The following ANK2 variants were observed in gnomAD, a reference collection of about 807,000 sequenced individuals.
The protein encoded by ANK2 is ankyrin 2, also known as ankyrin-2.
ANK2 carries 83 observed loss-of-function variants against 360.5 expected under a neutral mutation model. The observed-to-expected ratio is 0.23, with a 90% CI of 0.19 to 0.28. The LOEUF (loss-of-function observed/expected upper bound fraction) is 0.28. Among genes scored for constraint, ANK2 ranks in the 10% least tolerant of loss-of-function variants. ANK2 has a pLI of 1.00. For missense variants in ANK2, 4,201 were observed against 4,795.7 expected (o/e 0.88, Z 3.66); for synonymous variants, 1,740 against 1,759.5 (o/e 0.99, Z 0.28).
At chr4:113,000,866 A>G (rs570488681) in intron 2 of ANK2, among the ~76,000 whole-genome samples, 5 of 150,242 alleles carry the variant, frequency 3.3e-5, no homozygotes, top group Non-Finnish European at 7.4e-5. Context: ...AACCATCATC[A>G]CTGGGAAGGA....
At chr4:112,764,231 C>T in the ANK2 span, among the ~76,000 whole-genome samples, 5 of 152,270 alleles carry the variant, frequency 3.3e-5, no homozygotes, top group African/African-American at 4.8e-5. Flanking sequence ...GCATGAGCCA[C>T]TGCGCCCGGC....
chr4:112,788,403 C>T, the ANK2 span: 24 of 1,590,966 alleles, frequency 1.5e-5, no homozygotes, highest in Non-Finnish European at 2.0e-5. Flanking sequence ...ATGGGATCCA[C>T]GTCGGGTGCA....
chr4:113,352,585 G>A (rs1442546569), intron 37 of ANK2, among the ~76,000 whole-genome samples: 1 of 151,970 alleles, frequency 6.6e-6, no homozygotes, highest in African/African-American at 2.4e-5. Context: ...CTTTCTCCTA[G>A]AGGAAATCAA....
At chr4:113,054,406 T>C (rs528356437) in intron 1 of ANK2, among the ~76,000 whole-genome samples, 70 of 152,152 alleles carry the variant, frequency 4.6e-4, no homozygotes, top group Non-Finnish European at 9.0e-4. Flanking sequence ...TTGCCAGATG[T>C]GTGGTTAAAA....
intron 2 of ANK2, among the ~76,000 whole-genome samples, chr4:113,193,000 TC>T (rs2098695010): frequency 6.6e-6 from 1 of 150,924 alleles, no homozygotes; most frequent in Non-Finnish European, 1.5e-5. Flanking sequence ...GGAGCTACCA[TC>T]CGGGGCGCTA....
chr4:112,846,602 G>A (rs1560766350), intron 1 of ANK2, among the ~76,000 whole-genome samples: 1 of 151,886 alleles, frequency 6.6e-6, no homozygotes, highest in Non-Finnish European at 1.5e-5. Flanking sequence ...TCCTGTCTCT[G>A]TGGTTTTCCT....
In ANK2 at chr4:113,199,102, A is replaced by C. The variant is rs770384149; in HGVS notation, c.377A>C (p.Gln126Pro). The C allele has an allele frequency of 6.2e-7, 1 of 1,607,244 alleles. No homozygotes were observed. The highest frequency in any genetic ancestry group is 8.5e-7 in the Non-Finnish European group (1 of 1,173,870). ...LVKEGANINAQSQNGFTPLYM... is the reference protein window; with the variant it reads ...LVKEGANINAPSQNGFTPLYM... ...AAGGAAGGAGCCAATATTAATGCACAGTCTCAGGTATTCCATTCAGATTTT... is the reference window on the plus strand; with the variant it reads ...AAGGAAGGAGCCAATATTAATGCACCGTCTCAGGTATTCCATTCAGATTTT... Residue 126 changes from glutamine (Q) to proline (P), a missense_variant, in exon 4 of 46, where the codon CAG (glutamine) becomes CCG (proline). By Grantham distance (76) the Gln-to-Pro change is moderately conservative. This residue lies in a region of ANK2 where 169 missense variants were observed against 191.1 expected (regional missense o/e 0.88). Transcript: ENST00000357077.
the ANK2 span, among the ~76,000 whole-genome samples, chr4:112,730,891 G>A: frequency 6.6e-6 from 1 of 151,344 alleles, no homozygotes; most frequent in Non-Finnish European, 1.5e-5. Context: ...TGTAGTCCCA[G>A]CACTTTGGGA....
chr4:113,382,806 C>G lies in ANK2; in HGVS notation c.*1335C>G, dbSNP rs1383321783. ...CCAGCTAGGTCTGTTTTTCAGCTTG[C>G]AGACAAGATTGAGAAATCCTTGAAA... On this transcript the variant is annotated 3_prime_UTR_variant, in exon 46 of 46. Coordinates refer to ENST00000357077, the MANE Select transcript of ANK2 (RefSeq NM_001148.6). 1 of 152,162 alleles carries G rather than the reference C, an allele frequency of 6.6e-6. No homozygotes were observed. Among genetic ancestry groups the G allele is most frequent in the Non-Finnish European group, 1.5e-5 (1 of 68,026 alleles). 9.4% of individuals were successfully genotyped at this position (152,162 alleles called of 1,614,324 possible).
Position 113,302,837 on chromosome 4 carries a change from A to T in ANK2, c.2546A>T (p.Glu849Val). 1 of 1,612,048 alleles carries T rather than the reference A, an allele frequency of 6.2e-7. No individual in the cohort carries two copies. The highest frequency in any genetic ancestry group is 8.5e-7 in the Non-Finnish European group (1 of 1,178,122). The change falls in exon 23 of 46, where the codon GAG becomes GTG. Residue 849 changes from glutamate (E) to valine (V), a missense_variant and splice_region_variant. Glu to Val is a moderately radical substitution (Grantham distance 121). Transcript: ENST00000357077. ...MTEVLDVSDE[E>V]GDDTMTGDGG... ...GAGGTTCTTGATGTTTCTGATGAAG[A>T]GGGTAAGACTTCTATTCAATCTTCT...
Position 113,225,890 on chromosome 4 carries a change from T to C in ANK2, c.385-6271T>C, listed in dbSNP as rs187468767. Among the ~76,000 whole-genome samples, 9 of 152,328 alleles carry C rather than the reference T, an allele frequency of 5.9e-5. No individual in the cohort carries two copies. The East Asian group carries it at 1.7e-3, about 29-fold the overall frequency. On this transcript the variant is annotated intron_variant, in intron 4 of 45. Coordinates refer to ENST00000357077, the MANE Select transcript of ANK2 (RefSeq NM_001148.6). ...CATATTACTAATGTAAATAGGAAGA[T>C]ATTTTTGTAATAAGTGTTTGAATTC...
chr4:112,791,557 T>C, the ANK2 span, among the ~76,000 whole-genome samples: 1 of 148,668 alleles, frequency 6.7e-6, no homozygotes, highest in Non-Finnish European at 1.5e-5. Flanking sequence ...GGCGCGATCT[T>C]AGCTCACTGC....
At chr4:113,329,586 A>T (rs141353309) in intron 26 of ANK2, among the ~76,000 whole-genome samples, 8 of 152,282 alleles carry the variant, frequency 5.3e-5, no homozygotes, top group African/African-American at 9.6e-5. Flanking sequence ...GGGCGGGCCT[A>T]CTTGTTCCCT....
At chr4:113,336,211 G>A (rs2153961464) in intron 30 of ANK2, 154 bp downstream of exon 30, 1 of 773,076 alleles carries the variant, frequency 1.3e-6, no homozygotes, top group East Asian at 2.7e-5. Context: ...ATATTTATTG[G>A]TTACTAATCT....
the ANK2 span, among the ~76,000 whole-genome samples, chr4:112,714,695 C>A: frequency 2.0e-5 from 3 of 152,108 alleles, no homozygotes; most frequent in South Asian, 2.1e-4. Context: ...AAAACAATTT[C>A]TAAATCGGCT....
At chr4:113,045,232 A>G (rs2063987892), upstream of ANK2, among the ~76,000 whole-genome samples, 1 of 152,192 alleles carries the variant, frequency 6.6e-6, no homozygotes, top group African/African-American at 2.4e-5. Context: ...AATTAGAATA[A>G]TCACCTCTAA....
intron 1 of ANK2, among the ~76,000 whole-genome samples, chr4:112,844,559 A>G (rs2062865453): frequency 6.6e-6 from 1 of 152,234 alleles, no homozygotes; most frequent in Non-Finnish European, 1.5e-5. Flanking sequence ...CAGTTGATCC[A>G]TCCATGTATA....
chr4:112,997,421 T>C (rs1354680), intron 2 of ANK2, among the ~76,000 whole-genome samples: 60,199 of 151,810 alleles, frequency 0.4, 13,541 homozygotes, highest in African/African-American at 0.61. Context: ...TCCTCTATCC[T>C]CCAAAAACTA....
At chr4:113,176,537 C>T (rs1293325213) in intron 2 of ANK2, among the ~76,000 whole-genome samples, 1 of 151,934 alleles carries the variant, frequency 6.6e-6, no homozygotes, top group African/African-American at 2.4e-5. Flanking sequence ...AAAGAAAGAA[C>T]ATTCAAACTC....
Sources: gnomAD v4.1 joint callset for allele counts (sites outside exome capture counted in the v4.1 genomes callset) on GRCh38, gnomAD v4.1.1 for gene constraint, gnomAD v4.1.1 regional missense constraint, MANE v1.5 for transcripts, NCBI Gene and HGNC (gene_info 2026-07-23, HGNC 2026-07-21) for gene names.